Variants in DPP10 observed in about 807,000 individuals in gnomAD.
The protein encoded by DPP10 is inactive dipeptidyl peptidase 10.
DPP10 carries 33 observed loss-of-function variants against 120.9 expected under a neutral mutation model. That is an observed-to-expected ratio of 0.27 (90% CI 0.21 to 0.37). The LOEUF is 0.37. Ranked by LOEUF, DPP10 falls within the 10% of genes least tolerant of loss-of-function variation. The pLI is 1.00. For missense variants in DPP10, 816 were observed against 942.8 expected (o/e 0.87, Z 1.76); for synonymous variants, 337 against 326.1 (o/e 1.03, Z -0.36).
chr2:114,722,775 CAAAAAA>C (rs61497158), intron 1 of DPP10, among the ~76,000 whole-genome samples: 2 of 55,860 alleles, frequency 3.6e-5, no homozygotes, highest in Admixed American at 2.8e-4. Flanking sequence ...GGCTCTGTCT[CAAAAAA>C]AAAAAAAAAA....
At chr2:114,682,845 A>T (rs1175441437) in intron 1 of DPP10, among the ~76,000 whole-genome samples, 2 of 151,600 alleles carry the variant, frequency 1.3e-5, no homozygotes, top group Non-Finnish European at 2.9e-5. Context: ...TATAGATTTA[A>T]TATCTCCAAT....
intron 1 of DPP10, among the ~76,000 whole-genome samples, chr2:115,212,217 C>T (rs774470084): frequency 1.3e-5 from 2 of 152,092 alleles, no homozygotes; most frequent in African/African-American, 4.8e-5. Context: ...TGGAGTGAAC[C>T]TCCCTGCCTG....
At chr2:114,591,225 G>T (rs1250199920) in intron 1 of DPP10, among the ~76,000 whole-genome samples, 7 of 152,188 alleles carry the variant, frequency 4.6e-5, no homozygotes. Context: ...TCAAACTGAG[G>T]TGTGAGACTT....
At chr2:115,343,969 T>A in intron 3 of DPP10, 57 bp downstream of exon 3, 2 of 1,434,920 alleles carry the variant, frequency 1.4e-6, no homozygotes, top group Non-Finnish European at 1.9e-6. Flanking sequence ...TAATTAAAAT[T>A]TTAAAAAATG....
At chr2:115,286,480 A>AC (rs1466764552) in intron 1 of DPP10, among the ~76,000 whole-genome samples, 4 of 49,600 alleles carry the variant, frequency 8.1e-5, no homozygotes, top group Middle Eastern at 7.7e-3. Flanking sequence ...ATATATATGT[A>AC]ATATATATAT....
chr2:115,230,195 T>C (rs554487938), intron 1 of DPP10, among the ~76,000 whole-genome samples: 1 of 152,168 alleles, frequency 6.6e-6, no homozygotes, highest in East Asian at 1.9e-4. Context: ...CTATTGTAAA[T>C]GGGATTACTT....
chr2:114,501,099 G>C (rs148695471), intron 1 of DPP10, among the ~76,000 whole-genome samples: 1 of 152,316 alleles, frequency 6.6e-6, no homozygotes, highest in African/African-American at 2.4e-5. Flanking sequence ...CTTTAGGAAG[G>C]ATTATATAGT....
At chr2:115,775,426 A>G (rs1681982012) in intron 13 of DPP10, among the ~76,000 whole-genome samples, 1 of 152,038 alleles carries the variant, frequency 6.6e-6, no homozygotes, top group Non-Finnish European at 1.5e-5. Flanking sequence ...AAAGAATACT[A>G]TGAATAACTT....
At chr2:115,667,488 A>C (rs1184967192) in intron 5 of DPP10, among the ~76,000 whole-genome samples, 1 of 152,088 alleles carries the variant, frequency 6.6e-6, no homozygotes, top group African/African-American at 2.4e-5. Flanking sequence ...GTTTTCATTT[A>C]ACTCTTTAAT....
At chr2:115,259,626 C>T (rs1376757721) in intron 1 of DPP10, among the ~76,000 whole-genome samples, 1 of 152,124 alleles carries the variant, frequency 6.6e-6, no homozygotes, top group Non-Finnish European at 1.5e-5. Context: ...AATTACATGG[C>T]CACACTTAGT....
rs1163853324 is a variant in DPP10 at position 114,566,690 on chromosome 2, T to G, written c.60+123852T>G. On this transcript the variant is annotated intron_variant, in intron 1 of 25. Coordinates refer to ENST00000410059, the MANE Select transcript of DPP10 (RefSeq NM_020868.6). ...TGAAAGGCAGTTGGCAAATACTTGT[T>G]AGGCCACCAAGTCTCCCTTAAGTGA... Among the ~76,000 whole-genome samples the G allele has an allele frequency of 4.6e-5, 7 of 152,184 alleles. No homozygotes were observed. The East Asian group carries it at 1.2e-3, about 25-fold the overall frequency.
intron 1 of DPP10, among the ~76,000 whole-genome samples, chr2:115,072,731 G>T (rs187017351): frequency 6.6e-6 from 1 of 152,296 alleles, no homozygotes; most frequent in African/African-American, 2.4e-5. Context: ...TAAGAGAGAA[G>T]GGTGCAGGGA....
At chr2:114,670,876 T>C (rs1416852239) in intron 1 of DPP10, among the ~76,000 whole-genome samples, 2 of 152,088 alleles carry the variant, frequency 1.3e-5, no homozygotes, top group African/African-American at 4.8e-5. Flanking sequence ...GGAAAACACA[T>C]CAATATAGAG....
Position 115,762,433 on chromosome 2 carries a change from A to G in DPP10, c.1075-139A>G, listed in dbSNP as rs1575707180. ...CTTACTCATTCAGATTAAATCAATA[A>G]TGACAATGAAATCTCTCATGGTGTT... On this transcript the variant is annotated intron_variant, in intron 11 of 25. Transcript: ENST00000410059. 4 of 776,842 alleles carry G rather than the reference A, an allele frequency of 5.1e-6. No homozygotes were observed. In the East Asian group the frequency reaches 1.0e-4, roughly 20 times the overall value. 48.1% of individuals were successfully genotyped at this position (776,842 alleles called of 1,614,324 possible).
rs890047277 is a variant in DPP10, at chr2:115,291,780, C to G, written c.61-17459C>G. ...ACTGACCAGATCCTTATTGTAGACTCATTACTTTTGAACACATTCATCAAT... is the reference window on the plus strand; with the variant it reads ...ACTGACCAGATCCTTATTGTAGACTGATTACTTTTGAACACATTCATCAAT... On this transcript the variant is annotated intron_variant, in intron 1 of 25. Transcript: ENST00000410059. Among the ~76,000 whole-genome samples the G allele has an allele frequency of 3.9e-5, 6 of 152,098 alleles. No individual in the cohort carries two copies. The East Asian group carries it at 9.7e-4, about 25-fold the overall frequency.
intron 5 of DPP10, among the ~76,000 whole-genome samples, chr2:115,667,561 T>C (rs757162849): frequency 6.6e-6 from 1 of 152,100 alleles, no homozygotes; most frequent in Non-Finnish European, 1.5e-5. Flanking sequence ...TCTCCAAATG[T>C]CTTGCCACTT....
chr2:114,625,736 C>A (rs1223563807), intron 1 of DPP10, among the ~76,000 whole-genome samples: 1 of 151,942 alleles, frequency 6.6e-6, no homozygotes, highest in Admixed American at 6.6e-5. Context: ...TATTTTTCAT[C>A]TTTGGGCAGT....
chr2:114,547,077 T>G (rs1687469780), intron 1 of DPP10, among the ~76,000 whole-genome samples: 1 of 152,236 alleles, frequency 6.6e-6, no homozygotes, highest in South Asian at 2.1e-4. Context: ...CAGCCCCGCA[T>G]CATGTGTGTG....
At chr2:114,882,745 A>G (rs1311516671) in intron 1 of DPP10, among the ~76,000 whole-genome samples, 1 of 152,206 alleles carries the variant, frequency 6.6e-6, no homozygotes, top group Admixed American at 6.5e-5. Context: ...CTACTGGCTA[A>G]ATATAAATAC....
Sources: gnomAD v4.1 joint callset for allele counts (sites outside exome capture counted in the v4.1 genomes callset) on GRCh38, gnomAD v4.1.1 for gene constraint, MANE v1.5 for transcripts, NCBI Gene and HGNC (gene_info 2026-07-23, HGNC 2026-07-21) for gene names.